RSF1: variants seen among roughly 807,000 people sequenced by gnomAD.
RSF1 encodes remodeling and spacing factor 1.
A neutral mutation model predicts 145.2 loss-of-function variants in RSF1; 13 were observed. That is an observed-to-expected ratio of 0.09 (90% CI 0.06 to 0.14). The LOEUF (loss-of-function observed/expected upper bound fraction) is 0.14. Ranked by LOEUF, RSF1 falls within the 10% of genes least tolerant of loss-of-function variation. RSF1 has a pLI of 1.00. For missense variants in RSF1, 1,517 were observed against 1,718.2 expected (o/e 0.88, Z 2.07); for synonymous variants, 577 against 592.6 (o/e 0.97, Z 0.38).
intron 4 of RSF1, chr11:77,734,546 C>T: frequency 1.3e-6 from 2 of 1,563,328 alleles, no homozygotes; most frequent in South Asian, 1.1e-5. Flanking sequence ...GATTCGAGTG[C>T]TCCCATCTTG....
rs1960142406 is a variant in RSF1 at position 77,691,234 on chromosome 11, A to T, written c.2825T>A (p.Leu942Gln). 2 of 1,613,990 alleles carry T rather than the reference A, an allele frequency of 1.2e-6. No homozygotes were observed. The highest frequency in any genetic ancestry group is 1.1e-5 in the South Asian group (1 of 91,084). ...EWFCPPCQHKLLCEKLEEQLQ... is the reference protein window; with the variant it reads ...EWFCPPCQHKQLCEKLEEQLQ... Reference sequence around the variant, plus strand: ...CTGTTCCTCTAATTTTTCACAGAGCAGTTTCTGAAGAAGCAAAATAGATAA... The same window carrying T: ...CTGTTCCTCTAATTTTTCACAGAGCTGTTTCTGAAGAAGCAAAATAGATAA... The change falls in exon 9 of 16, where the codon CTG (leucine) becomes CAG (glutamine). Residue 942 changes from leucine to glutamine, a missense_variant. By Grantham distance (113) the Leu-to-Gln change is moderately radical. Coordinates refer to ENST00000308488, the MANE Select transcript of RSF1 (RefSeq NM_016578.4).
chr11:77,708,247 C>T (rs541068339), intron 5 of RSF1, among the ~76,000 whole-genome samples: 4 of 152,208 alleles, frequency 2.6e-5, no homozygotes, highest in Admixed American at 2.0e-4. Flanking sequence ...TAATAAAACC[C>T]GTCTCGACCA....
Position 77,700,706 on chromosome 11 carries a change from TAA to T in RSF1, c.2508+13_2508+14del. On this transcript the variant is annotated intron_variant, in intron 6 of 15. Transcript: ENST00000308488. The stretch of plus-strand genomic sequence containing the variant: ...AGAGACAAATATTTTTAATTAAAGT[TAA>T]GACAAGTTTTACCTTGCTTACTTTA... 2 of 1,529,866 alleles carry T rather than the reference TAA, an allele frequency of 1.3e-6. No homozygotes were observed. The highest frequency in any genetic ancestry group is 1.7e-6 in the Non-Finnish European group (2 of 1,144,458). The allele number at this position is 1,529,866 out of a possible 1,614,324, so 94.8% of individuals were successfully genotyped here.
chr11:77,742,744 C>T (rs537952632), intron 3 of RSF1, among the ~76,000 whole-genome samples: 1 of 152,294 alleles, frequency 6.6e-6, no homozygotes, highest in East Asian at 1.9e-4. Context: ...ATCTGTTGGC[C>T]ATTTCCTACG....
the RSF1 span, among the ~76,000 whole-genome samples, chr11:77,835,988 C>A: frequency 6.6e-6 from 1 of 152,098 alleles, no homozygotes; most frequent in Non-Finnish European, 1.5e-5. Context: ...GCTGTAGAGT[C>A]AGACAGACTT....
chr11:77,863,369 C>T, the RSF1 span, among the ~76,000 whole-genome samples: 4 of 151,994 alleles, frequency 2.6e-5, no homozygotes, highest in Non-Finnish European at 4.4e-5. Flanking sequence ...GGACGGTGAG[C>T]GAAAACTCAG....
chr11:77,732,905 A>G (rs950644324), intron 4 of RSF1, among the ~76,000 whole-genome samples: 1 of 152,262 alleles, frequency 6.6e-6, no homozygotes. Flanking sequence ...AAATGGAATC[A>G]AACAGTATGT....
In RSF1 at chr11:77,675,137, C is replaced by T. The variant is rs971704390; in HGVS notation, c.3461G>A (p.Arg1154Gln). ...CAAACGCCTGCTCTGCCTCATTGGC[C>T]GAGAGGGGTGTCGCCTCAGTCTACG... The part of the protein sequence containing the change: ...CSRRLRRHPS[R>Q]PMRQSRRLRR... The change falls in exon 14 of 16, where the codon CGG becomes CAG. Residue 1154 changes from arginine (R) to glutamine (Q), a missense_variant. Around this residue, in one of 12 missense-constraint regions of RSF1, gnomAD observed 231 missense variants for 276.6 expected, o/e 0.84. Transcript: ENST00000308488. The T allele has an allele frequency of 1.1e-5, 17 of 1,613,920 alleles. No individual in the cohort carries two copies. The highest frequency in any genetic ancestry group is 2.2e-5 in the South Asian group (2 of 91,074).
At chr11:77,854,362 G>C in the RSF1 span, among the ~76,000 whole-genome samples, 4 of 152,004 alleles carry the variant, frequency 2.6e-5, no homozygotes, top group African/African-American at 7.2e-5. Context: ...TCTCATACAA[G>C]GCAAGTCTCT....
chr11:77,677,701 T>C (rs1959745542), intron 12 of RSF1, among the ~76,000 whole-genome samples: 1 of 152,230 alleles, frequency 6.6e-6, no homozygotes, highest in Non-Finnish European at 1.5e-5. Flanking sequence ...CAATTTTTAA[T>C]AGGTTAACTT....
intron 7 of RSF1, among the ~76,000 whole-genome samples, chr11:77,696,232 A>C (rs184391230): frequency 2.6e-5 from 4 of 152,360 alleles, no homozygotes; most frequent in Non-Finnish European, 5.9e-5. Flanking sequence ...TCTACTCTGC[A>C]GTAAAGGCAA....
chr11:77,714,963 AT>A (rs774587912), intron 5 of RSF1, among the ~76,000 whole-genome samples: 6 of 151,674 alleles, frequency 4.0e-5, no homozygotes, highest in Admixed American at 6.6e-5. Flanking sequence ...TACAAAAACA[AT>A]TTTTTTTTAA....
At position 77,683,800 on chromosome 11, in the gene RSF1, T is replaced by G; in HGVS notation, c.2975A>C (p.Asp992Ala). ...IPPQEPDFSE[D>A]QEEKKKDSKK... ...TGAATCTTTTTTCTTTTCTTCTTGATCTTCAGAAAAGTCTGGCTCCTTAAA... is the reference window on the plus strand; with the variant it reads ...TGAATCTTTTTTCTTTTCTTCTTGAGCTTCAGAAAAGTCTGGCTCCTTAAA... Residue 992 changes from aspartate to alanine, a missense_variant, in exon 11 of 16, where the codon GAT becomes GCT. Transcript: ENST00000308488. 6.2e-7 allele frequency: 1 copy of G among 1,611,884 alleles called. No homozygotes were observed. Among genetic ancestry groups the G allele is most frequent in the African/African-American group, 1.3e-5 (1 of 75,022 alleles).
intron 1 of RSF1, among the ~76,000 whole-genome samples, chr11:77,816,376 C>T (rs1198855758): frequency 3.3e-5 from 5 of 152,156 alleles, no homozygotes. Flanking sequence ...GTTACAGTAC[C>T]AGTAAGAGAG....
At chr11:77,812,579 G>A (rs1405008729) in intron 1 of RSF1, among the ~76,000 whole-genome samples, 1 of 152,012 alleles carries the variant, frequency 6.6e-6, no homozygotes, top group African/African-American at 2.4e-5. Flanking sequence ...TTGCCCTCAT[G>A]CTCTTCTTTC....
chr11:77,729,880 A>G (rs1374238386), intron 4 of RSF1, among the ~76,000 whole-genome samples: 1 of 141,156 alleles, frequency 7.1e-6, no homozygotes, highest in Admixed American at 7.1e-5. Context: ...TATAAATGCC[A>G]AATTATTCAG....
At position 77,701,004 on chromosome 11, in the gene RSF1, C is replaced by T. The variant is rs756227917; in HGVS notation, c.2225G>A (p.Arg742Gln). Reference sequence around the variant, plus strand: ...GGGGGGAGAATCGGGCTTCTTTTTCCGACTTGATATCCTGATTGTTAATTT... The same window carrying T: ...GGGGGGAGAATCGGGCTTCTTTTTCTGACTTGATATCCTGATTGTTAATTT... ...GIKLTIRISSRKKKPDSPPKV... is the reference protein window; with the variant it reads ...GIKLTIRISSQKKKPDSPPKV... The change falls in exon 6 of 16, where the codon CGG (arginine) becomes CAG (glutamine). Residue 742 changes from arginine to glutamine, a missense_variant. Physicochemically the swap from Arg to Gln is conservative, Grantham distance 43. Around this residue, in one of 12 missense-constraint regions of RSF1, gnomAD observed 579 missense variants for 553.5 expected, o/e 1.05. Transcript: ENST00000308488. The T allele has an allele frequency of 6.8e-6, 11 of 1,613,532 alleles. No homozygotes were observed. Among genetic ancestry groups the T allele is most frequent in the Admixed American group, 3.3e-5 (2 of 60,002 alleles).
chr11:77,811,078 A>G (rs1005231002), intron 1 of RSF1, among the ~76,000 whole-genome samples: 4 of 152,176 alleles, frequency 2.6e-5, no homozygotes, highest in African/African-American at 7.2e-5. Flanking sequence ...TTTTGAAGTT[A>G]TATGTTCTCT....
chr11:77,772,626 T>C (rs925328944), intron 1 of RSF1, among the ~76,000 whole-genome samples: 3 of 152,128 alleles, frequency 2.0e-5, no homozygotes, highest in Non-Finnish European at 4.4e-5. Flanking sequence ...ATTGAATTTG[T>C]CATTCATAAT....
Sources: allele counts gnomAD v4.1 joint callset (sites outside exome capture counted in the v4.1 genomes callset), GRCh38; gene constraint gnomAD v4.1.1; regional missense constraint gnomAD v4.1.1; transcripts MANE v1.5; gene names NCBI Gene and HGNC (gene_info 2026-07-23, HGNC 2026-07-21).